The following SLC16A10 variants were observed in gnomAD, a reference collection of about 807,000 sequenced individuals.
SLC16A10 encodes the protein solute carrier family 16 member 10, also known as monocarboxylate transporter 10.
A neutral mutation model predicts 40.0 loss-of-function variants in SLC16A10; 27 were observed. The ratio of observed to expected loss-of-function variants is 0.67; its 90% CI spans 0.50 to 0.93. SLC16A10 has a LOEUF of 0.93. Among genes scored for constraint, SLC16A10 ranks in the 40% least tolerant of loss-of-function variants. The pLI, the probability that SLC16A10 is intolerant of heterozygous loss-of-function variation, is 0.00. For missense variants in SLC16A10, 529 were observed against 658.2 expected, an observed-to-expected ratio of 0.80 and a Z score of 2.15; for synonymous variants, 213 against 249.8, an observed-to-expected ratio of 0.85 and a Z score of 1.39.
intron 1 of SLC16A10, among the ~76,000 whole-genome samples, chr6:111,164,954 C>T (rs1207934467): frequency 6.6e-6 from 1 of 152,048 alleles, no homozygotes; most frequent in African/African-American, 2.4e-5. Flanking sequence ...TTTTATTTTT[C>T]CTTCAGAAAA....
chr6:111,099,723 T>C (rs1771139736), intron 1 of SLC16A10, among the ~76,000 whole-genome samples: 1 of 152,170 alleles, frequency 6.6e-6, no homozygotes, highest in Non-Finnish European at 1.5e-5. Flanking sequence ...GGTTTTTACC[T>C]GCATTAAAAA....
At chr6:111,189,210 T>C (rs1772949786) in intron 3 of SLC16A10, among the ~76,000 whole-genome samples, 1 of 152,156 alleles carries the variant, frequency 6.6e-6, no homozygotes, top group Non-Finnish European at 1.5e-5. Flanking sequence ...CAAATTGAGA[T>C]GGAAGGTGAT....
In SLC16A10 at chr6:111,211,645, G is replaced by A. The variant is rs372946694; in HGVS notation, c.1086+4910G>A. Among the ~76,000 whole-genome samples, 19 of 152,304 alleles carry A rather than the reference G, an allele frequency of 1.2e-4. 1 individual carries two copies. The East Asian group carries it at 1.9e-3, about 15-fold the overall frequency. Reference sequence around the variant, plus strand: ...CCTGTGGTTGCGAGGAGCCACTCACGGACTCCACCTTGTGAACACAGCGGC... The same window carrying A: ...CCTGTGGTTGCGAGGAGCCACTCACAGACTCCACCTTGTGAACACAGCGGC... On this transcript the variant is annotated intron_variant, in intron 4 of 5. Transcript: ENST00000368851.
At position 111,146,900 on chromosome 6, in the gene SLC16A10, C is replaced by A. The variant is rs1208516073; in HGVS notation, c.344-25795C>A. 2.6e-5 allele frequency among the ~76,000 whole-genome samples: 4 copies of A among 152,216 alleles called. No individual in the cohort carries two copies. In the East Asian group the frequency reaches 7.7e-4, roughly 29 times the overall value. On this transcript the variant is annotated intron_variant, in intron 1 of 5. Transcript: ENST00000368851. ...AAGCAATGAAGTACTGATACATGAT[C>A]CAATATGGATGGACCTTGAAAACTA...
chr6:111,177,378 T>G lies in SLC16A10; in HGVS notation c.655T>G (p.Leu219Val). 2 of 1,613,938 alleles carry G rather than the reference T, an allele frequency of 1.2e-6. No individual in the cohort carries two copies. Among genetic ancestry groups the G allele is most frequent in the South Asian group, 1.1e-5 (1 of 91,046 alleles). Residue 219 changes from leucine (L) to valine (V), a missense_variant, in exon 3 of 6, where the codon TTG becomes GTG. Transcript: ENST00000368851. The stretch of plus-strand genomic sequence containing the variant: ...CAGTGTCTTCACAATCCTGCTGCCT[T>G]TGCTCTTAAGGGTTCTGATTGACAG... The part of the protein sequence containing the change: ...GSSVFTILLP[L>V]LLRVLIDSVG...
intron 1 of SLC16A10, among the ~76,000 whole-genome samples, chr6:111,091,821 C>A (rs1770980682): frequency 6.6e-6 from 1 of 152,200 alleles, no homozygotes; most frequent in South Asian, 2.1e-4. Flanking sequence ...ACTGTTAATT[C>A]TCTTTATACA....
Position 111,197,801 on chromosome 6 carries a change from G to T in SLC16A10, c.943-8791G>T, listed in dbSNP as rs994502444. Among the ~76,000 whole-genome samples the T allele has an allele frequency of 6.6e-5, 10 of 152,016 alleles. 1 individual carries two copies. Among genetic ancestry groups the T allele is most frequent in the Admixed American group, 5.2e-4 (8 of 15,258 alleles). ...TTGAGAGCAAGAGTATGGGTGGGGA[G>T]CTGCCACACTCTTAACCCAATCTCT... On this transcript the variant is annotated intron_variant, in intron 3 of 5. Coordinates refer to ENST00000368851, the MANE Select transcript of SLC16A10 (RefSeq NM_018593.5).
intron 4 of SLC16A10, among the ~76,000 whole-genome samples, chr6:111,210,869 A>G (rs909840783): frequency 6.6e-6 from 1 of 152,002 alleles, no homozygotes; most frequent in Non-Finnish European, 1.5e-5. Context: ...TATAATTACA[A>G]AAAATTAGCC....
intron 1 of SLC16A10, among the ~76,000 whole-genome samples, chr6:111,128,518 GAC>G (rs1771717723): frequency 6.6e-6 from 1 of 152,200 alleles, no homozygotes; most frequent in Admixed American, 6.5e-5. Context: ...GGCTGATCAA[GAC>G]ACACTGGTTG....
intron 1 of SLC16A10, among the ~76,000 whole-genome samples, chr6:111,170,559 C>G (rs2114539563): frequency 6.6e-6 from 1 of 152,156 alleles, no homozygotes; most frequent in East Asian, 2.0e-4. Flanking sequence ...AAGTGATTCT[C>G]CCATCTCAGC....
intron 1 of SLC16A10, among the ~76,000 whole-genome samples, chr6:111,094,658 G>T (rs1771041375): frequency 6.6e-6 from 1 of 151,720 alleles, no homozygotes; most frequent in Non-Finnish European, 1.5e-5. Flanking sequence ...TATTTTTTGG[G>T]ATAGGGCCTC....
intron 1 of SLC16A10, among the ~76,000 whole-genome samples, chr6:111,090,060 A>C (rs138163648): frequency 6.6e-6 from 1 of 151,464 alleles, no homozygotes; most frequent in South Asian, 2.1e-4. Context: ...TGGCTACACA[A>C]TATCCCAATA....
At chr6:111,220,365 C>A (rs962317143) in intron 5 of SLC16A10, among the ~76,000 whole-genome samples, 1 of 152,154 alleles carries the variant, frequency 6.6e-6, no homozygotes, top group Admixed American at 6.5e-5. Context: ...TCTAGAAATT[C>A]TCTGAATGAT....
chr6:111,100,099 C>A (rs1007328119), intron 1 of SLC16A10, among the ~76,000 whole-genome samples: 8 of 150,512 alleles, frequency 5.3e-5, no homozygotes, highest in African/African-American at 2.0e-4. Flanking sequence ...TTCAAATGTT[C>A]ATTTAAACTA....
At chr6:111,131,130 T>A (rs1771773621) in intron 1 of SLC16A10, among the ~76,000 whole-genome samples, 1 of 152,242 alleles carries the variant, frequency 6.6e-6, no homozygotes, top group African/African-American at 2.4e-5. Context: ...AGCTGAGCTT[T>A]CGCTCGCTGT....
chr6:111,211,667 C>T (rs950837565), intron 4 of SLC16A10, among the ~76,000 whole-genome samples: 5 of 152,186 alleles, frequency 3.3e-5, no homozygotes, highest in East Asian at 1.9e-4. Flanking sequence ...GTGAACACAG[C>T]GGCACAGGAC....
intron 3 of SLC16A10, among the ~76,000 whole-genome samples, chr6:111,196,192 C>G (rs1583356610): frequency 6.6e-6 from 1 of 152,170 alleles, no homozygotes. Flanking sequence ...CAAAAATTAG[C>G]CAGGCATGAT....
chr6:111,108,740 A>C (rs960422989), intron 1 of SLC16A10, among the ~76,000 whole-genome samples: 1 of 152,182 alleles, frequency 6.6e-6, no homozygotes, highest in East Asian at 1.9e-4. Flanking sequence ...AAAGAGAATA[A>C]ATGAGATTGC....
chr6:111,179,718 C>CTTT (rs777600056), intron 3 of SLC16A10, among the ~76,000 whole-genome samples: 3 of 152,176 alleles, frequency 2.0e-5, no homozygotes, highest in African/African-American at 4.8e-5. Context: ...TAAACCATGC[C>CTTT]TTTTTTCTGC....
Sources: allele counts gnomAD v4.1 joint callset (sites outside exome capture counted in the v4.1 genomes callset), GRCh38; gene constraint gnomAD v4.1.1; transcripts MANE v1.5; gene names NCBI Gene and HGNC (gene_info 2026-07-23, HGNC 2026-07-21).